RIPOR2: variants seen among roughly 807,000 people sequenced by gnomAD.
RIPOR2 encodes rho family-interacting cell polarization regulator 2.
In RIPOR2, 39 loss-of-function variants were observed where a neutral mutation model predicts 114.5. The ratio of observed to expected loss-of-function variants is 0.34; its 90% CI spans 0.26 to 0.44. The LOEUF (loss-of-function observed/expected upper bound fraction) is 0.44, where lower values mean the gene tolerates loss of function less well. Ranked by LOEUF, RIPOR2 falls within the 20% of genes least tolerant of loss-of-function variation. The pLI is 1.00. For synonymous variants in RIPOR2, 445 were observed against 484.4 expected, an observed-to-expected ratio of 0.92 and a Z score of 1.07; for missense variants, 1,007 against 1,255.1, an observed-to-expected ratio of 0.80 and a Z score of 2.99.
intron 13 of RIPOR2, chr6:24,840,379 C>T: frequency 5.2e-6 from 6 of 1,149,504 alleles, no homozygotes; most frequent in Non-Finnish European, 5.4e-6. Flanking sequence ...GCCCTGGCAT[C>T]ATGGGAGCAA....
At chr6:24,863,972 T>C (rs1263122016) in intron 7 of RIPOR2, among the ~76,000 whole-genome samples, 1 of 152,236 alleles carries the variant, frequency 6.6e-6, no homozygotes, top group Non-Finnish European at 1.5e-5. Context: ...TTTTCTTCTT[T>C]TCAATTCCTA....
chr6:24,851,087 G>T (rs1478758923), intron 9 of RIPOR2, among the ~76,000 whole-genome samples: 1 of 152,022 alleles, frequency 6.6e-6, no homozygotes, highest in Non-Finnish European at 1.5e-5. Flanking sequence ...GTAAGACGGG[G>T]TTTCACCATG....
intron 15 of RIPOR2, among the ~76,000 whole-genome samples, chr6:24,833,715 C>T (rs1398667148): frequency 6.6e-6 from 1 of 152,012 alleles, no homozygotes; most frequent in Non-Finnish European, 1.5e-5. Context: ...TCAACGCAAG[C>T]CAGAAGGTAA....
intron 13 of RIPOR2, chr6:24,839,517 G>A: frequency 2.8e-6 from 4 of 1,403,952 alleles, no homozygotes; most frequent in Non-Finnish European, 3.9e-6. Flanking sequence ...TTGAAGAATA[G>A]GAAACAAGAT....
intron 1 of RIPOR2, among the ~76,000 whole-genome samples, chr6:24,957,730 C>T (rs988316127): frequency 6.8e-6 from 1 of 148,058 alleles, no homozygotes; most frequent in Non-Finnish European, 1.5e-5. Context: ...AAAAAATTAG[C>T]TGGGCATGGT....
intron 1 of RIPOR2, among the ~76,000 whole-genome samples, chr6:24,964,285 T>TA (rs1419992483): frequency 6.6e-6 from 1 of 152,118 alleles, no homozygotes; most frequent in Non-Finnish European, 1.5e-5. Flanking sequence ...TACCCCTGTA[T>TA]AGTCACACAT....
chr6:24,829,185 T>C (rs1433319699), intron 17 of RIPOR2, among the ~76,000 whole-genome samples: 1 of 152,010 alleles, frequency 6.6e-6, no homozygotes, highest in Non-Finnish European at 1.5e-5. Context: ...TGGTGGCATG[T>C]GCCTGTAATC....
At chr6:24,984,415 A>ATGT (rs1038194236) in intron 1 of RIPOR2, among the ~76,000 whole-genome samples, 5 of 152,206 alleles carry the variant, frequency 3.3e-5, no homozygotes, top group Admixed American at 1.3e-4. Context: ...ACCTTCTAAC[A>ATGT]CACATATCTA....
chr6:24,807,221 C>A (rs531023343), intron 21 of RIPOR2, among the ~76,000 whole-genome samples: 1 of 152,166 alleles, frequency 6.6e-6, no homozygotes, highest in African/African-American at 2.4e-5. Context: ...AACCCCAGAA[C>A]TTTGGGAAGC....
At chr6:24,873,837 T>C (rs1424373155) in intron 2 of RIPOR2, 38 bp from the exon 3 acceptor site, 36 of 1,547,994 alleles carry the variant, frequency 2.3e-5, no homozygotes, top group Non-Finnish European at 3.2e-5. Context: ...GGATTGGGCA[T>C]CCAAAAGGAT....
At chr6:24,922,528 T>G (rs574440189) in intron 1 of RIPOR2, among the ~76,000 whole-genome samples, 3 of 110,704 alleles carry the variant, frequency 2.7e-5, no homozygotes, top group Non-Finnish European at 5.6e-5. Flanking sequence ...ACTTTCCTGT[T>G]TTTTTTTGTA....
At chr6:25,040,181 T>A (rs147848791) in intron 1 of RIPOR2, among the ~76,000 whole-genome samples, 49 of 151,426 alleles carry the variant, frequency 3.2e-4, no homozygotes, top group African/African-American at 1.2e-3. Context: ...AATGGCACAA[T>A]CTCCGCTCAC....
At chr6:24,930,474 AAAT>A (rs1454800386) in intron 1 of RIPOR2, among the ~76,000 whole-genome samples, 1 of 152,184 alleles carries the variant, frequency 6.6e-6, no homozygotes, top group Non-Finnish European at 1.5e-5. Context: ...TGGGGGCCAT[AAAT>A]CAGGGGGGTG....
intron 1 of RIPOR2, among the ~76,000 whole-genome samples, chr6:24,973,895 G>A (rs9358811): frequency 6.6e-6 from 1 of 152,048 alleles, no homozygotes; most frequent in Non-Finnish European, 1.5e-5. Flanking sequence ...GCTAAATCTT[G>A]GGGACACATG....
rs1775106166 is a variant in RIPOR2, at chr6:24,997,705, T to C, written c.76+44146A>G. Among the ~76,000 whole-genome samples the C allele has an allele frequency of 3.3e-5, 5 of 152,194 alleles. No homozygotes were observed. The South Asian group carries it at 8.3e-4, about 25-fold the overall frequency. On this transcript the variant is annotated intron_variant, in intron 1 of 13. Coordinates refer to the RIPOR2 transcript ENST00000510784. Reference sequence around the variant, plus strand: ...GTTCCCTGGGAGTAAAGTCATCCTTTGTTGAAAACCATTGATATAGAGCTC... The same window carrying C: ...GTTCCCTGGGAGTAAAGTCATCCTTCGTTGAAAACCATTGATATAGAGCTC...
chr6:24,979,515 C>T (rs1774210565), intron 1 of RIPOR2, among the ~76,000 whole-genome samples: 1 of 152,096 alleles, frequency 6.6e-6, no homozygotes, highest in Admixed American at 6.5e-5. Context: ...ATTCTTTTTA[C>T]TGTAACCAAC....
intron 1 of RIPOR2, among the ~76,000 whole-genome samples, chr6:24,924,900 T>C (rs1287236321): frequency 6.7e-6 from 1 of 150,122 alleles, no homozygotes; most frequent in Non-Finnish European, 1.5e-5. Context: ...GAGGAAATTT[T>C]ATAAATATAT....
At chr6:24,996,095 C>T in intron 1 of RIPOR2, among the ~76,000 whole-genome samples, 1 of 152,228 alleles carries the variant, frequency 6.6e-6, no homozygotes, top group East Asian at 1.9e-4. Flanking sequence ...AGCCACCACG[C>T]CTGGCCTAGA....
chr6:25,029,388 G>A (rs1430936714), intron 1 of RIPOR2, among the ~76,000 whole-genome samples: 1 of 131,288 alleles, frequency 7.6e-6, no homozygotes, highest in Admixed American at 8.8e-5. Flanking sequence ...CTGGACGACA[G>A]AGCGAGACTC....
Sources: gnomAD v4.1 joint callset for allele counts (sites outside exome capture counted in the v4.1 genomes callset) on GRCh38, gnomAD v4.1.1 for gene constraint, MANE v1.5 for transcripts, NCBI Gene and HGNC (gene_info 2026-07-23, HGNC 2026-07-21) for gene names.